The following CADM2 variants were observed in gnomAD, a reference collection of about 807,000 sequenced individuals.
CADM2 encodes the protein cell adhesion molecule 2.
Under a neutral mutation model 49.8 loss-of-function variants are expected in CADM2, and 12 were observed. That is an observed-to-expected ratio of 0.24 (90% CI 0.15 to 0.39). The LOEUF (loss-of-function observed/expected upper bound fraction) is 0.39, where lower values mean the gene tolerates loss of function less well. Ranked by LOEUF, CADM2 falls within the 10% of genes least tolerant of loss-of-function variation. The probability of loss-of-function intolerance (pLI) is 1.00; values close to 1 mark genes in which losing one functional copy is unlikely to be tolerated. For synonymous variants in CADM2, 214 were observed against 175.4 expected (o/e 1.22, Z -1.74); for missense variants, 378 against 492.3 (o/e 0.77, Z 2.20).
intron 8 of CADM2, chr3:86,014,301 G>A (rs1577952472): frequency 7.4e-7 from 1 of 1,352,032 alleles, no homozygotes; most frequent in Non-Finnish European, 1.0e-6. Context: ...TCTTAAAAAT[G>A]TCCTATCTTT....
At chr3:85,019,439 C>T (rs752435406) in intron 1 of CADM2, among the ~76,000 whole-genome samples, 13 of 152,036 alleles carry the variant, frequency 8.6e-5, no homozygotes, top group African/African-American at 1.9e-4. Flanking sequence ...GCTGTGATCT[C>T]GCCACTGCAC....
intron 1 of CADM2, among the ~76,000 whole-genome samples, chr3:85,338,586 T>C (rs2045154381): frequency 6.6e-6 from 1 of 151,540 alleles, no homozygotes; most frequent in Non-Finnish European, 1.5e-5. Flanking sequence ...CCCTGTGAGG[T>C]AGGGAGTATT....
Position 85,668,850 on chromosome 3 carries a change from A to G in CADM2, c.62-57672A>G, listed in dbSNP as rs2065652464. On this transcript the variant is annotated intron_variant, in intron 1 of 9. Coordinates refer to ENST00000383699, the MANE Select transcript of CADM2 (RefSeq NM_001167675.2). ...ATGACATGTAGTTTATAAACTTTTG[A>G]TTATGTGCAATGTCTCTGGATATTC... Among the ~76,000 whole-genome samples the G allele has an allele frequency of 2.6e-5, 4 of 152,106 alleles. No individual in the cohort carries two copies. The South Asian group carries it at 8.3e-4, about 32-fold the overall frequency.
intron 8 of CADM2, among the ~76,000 whole-genome samples, chr3:85,970,849 A>T (rs1387828857): frequency 6.6e-6 from 1 of 151,564 alleles, no homozygotes; most frequent in East Asian, 1.9e-4. Flanking sequence ...GTATCAAGAT[A>T]AACCTAAAAC....
chr3:85,548,832 C>T (rs1481834766), intron 1 of CADM2, among the ~76,000 whole-genome samples: 5 of 151,910 alleles, frequency 3.3e-5, no homozygotes, highest in Admixed American at 6.6e-5. Flanking sequence ...AATGTGAACA[C>T]GAAGGAGAAA....
chr3:85,101,817 C>T (rs1479254230), intron 1 of CADM2, among the ~76,000 whole-genome samples: 1 of 152,052 alleles, frequency 6.6e-6, no homozygotes, highest in Non-Finnish European at 1.5e-5. Context: ...TTGAGTGAAT[C>T]GGATTTTGTG....
At chr3:85,192,263 A>G (rs548491584) in intron 1 of CADM2, among the ~76,000 whole-genome samples, 1 of 152,214 alleles carries the variant, frequency 6.6e-6, no homozygotes, top group African/African-American at 2.4e-5. Flanking sequence ...TTCTTCCTCA[A>G]CATTTAAATA....
intron 8 of CADM2, among the ~76,000 whole-genome samples, chr3:85,968,409 T>C (rs757397811): frequency 6.6e-6 from 1 of 151,684 alleles, no homozygotes; most frequent in Non-Finnish European, 1.5e-5. Context: ...TATATGTCTC[T>C]GTTTTAAGAT....
At chr3:85,650,978 C>T (rs934664002) in intron 1 of CADM2, among the ~76,000 whole-genome samples, 3 of 148,848 alleles carry the variant, frequency 2.0e-5, no homozygotes, top group East Asian at 4.0e-4. Flanking sequence ...ATTGCGCCTT[C>T]ATTTCTACCA....
At chr3:85,043,987 T>G (rs1184003322) in intron 1 of CADM2, among the ~76,000 whole-genome samples, 1 of 152,040 alleles carries the variant, frequency 6.6e-6, no homozygotes, top group Admixed American at 6.6e-5. Flanking sequence ...GGCCTCTAAA[T>G]CTCCTTGTGT....
chr3:85,050,038 TG>T (rs1445494945), intron 1 of CADM2, among the ~76,000 whole-genome samples: 1 of 151,940 alleles, frequency 6.6e-6, no homozygotes, highest in African/African-American at 2.4e-5. Context: ...TCGGCCTTCT[TG>T]GGAATCAATA....
At chr3:85,314,037 G>C (rs973893636) in intron 1 of CADM2, among the ~76,000 whole-genome samples, 3 of 152,000 alleles carry the variant, frequency 2.0e-5, no homozygotes, top group Non-Finnish European at 2.9e-5. Context: ...ACTAAGGCGC[G>C]TGCCACCACG....
At chr3:85,063,842 GA>G in intron 1 of CADM2, among the ~76,000 whole-genome samples, 1 of 152,014 alleles carries the variant, frequency 6.6e-6, no homozygotes, top group Admixed American at 6.6e-5. Flanking sequence ...AAAATGCATG[GA>G]AAAAATTTCC....
intron 1 of CADM2, among the ~76,000 whole-genome samples, chr3:85,522,766 CA>C (rs2061055795): frequency 6.6e-6 from 1 of 151,716 alleles, no homozygotes; most frequent in Non-Finnish European, 1.5e-5. Flanking sequence ...GAGAAAGTAT[CA>C]AGAAATACAA....
chr3:85,474,407 G>T (rs945794475), intron 1 of CADM2, among the ~76,000 whole-genome samples: 4 of 151,814 alleles, frequency 2.6e-5, no homozygotes, highest in African/African-American at 9.7e-5. Flanking sequence ...GCCTACCCAC[G>T]TCATATTCAT....
intron 1 of CADM2, among the ~76,000 whole-genome samples, chr3:85,305,006 C>T (rs780765944): frequency 6.6e-6 from 1 of 151,524 alleles, no homozygotes; most frequent in Non-Finnish European, 1.5e-5. Flanking sequence ...GTAAAATTAC[C>T]ATAGCAATTG....
chr3:85,771,172 G>T (rs6799453), intron 2 of CADM2, among the ~76,000 whole-genome samples: 99,269 of 151,964 alleles, frequency 0.65, 32,756 homozygotes, highest in East Asian at 0.76. Context: ...CATAAGTGTT[G>T]TGTTTAGTGA....
chr3:85,765,631 C>G (rs1317755323), intron 2 of CADM2, among the ~76,000 whole-genome samples: 2 of 151,984 alleles, frequency 1.3e-5, no homozygotes, highest in Non-Finnish European at 2.9e-5. Context: ...CAGATTTTAG[C>G]TATTCAATCA....
intron 1 of CADM2, among the ~76,000 whole-genome samples, chr3:85,380,801 TTAC>T (rs1559810524): frequency 6.6e-6 from 1 of 152,000 alleles, no homozygotes; most frequent in Non-Finnish European, 1.5e-5. Context: ...TAGAATATAA[TTAC>T]TAAGATCACA....
Sources: gnomAD v4.1 joint callset for allele counts (sites outside exome capture counted in the v4.1 genomes callset) on GRCh38, gnomAD v4.1.1 for gene constraint, MANE v1.5 for transcripts, NCBI Gene and HGNC (gene_info 2026-07-23, HGNC 2026-07-21) for gene names.